HDLBP: variants seen among roughly 807,000 people sequenced by gnomAD.
HDLBP encodes the protein vigilin.
HDLBP carries 30 observed loss-of-function variants against 137.3 expected under a neutral mutation model. The ratio of observed to expected loss-of-function variants is 0.22; its 90% confidence interval spans 0.16 to 0.30. The LOEUF is 0.30. Among genes scored for constraint, HDLBP ranks in the 10% least tolerant of loss-of-function variants. HDLBP has a pLI of 1.00. For missense variants in HDLBP, 1,119 were observed against 1,667.3 expected, an observed-to-expected ratio of 0.67 and a Z score of 5.73; for synonymous variants, 606 against 596.0, an observed-to-expected ratio of 1.02 and a Z score of -0.24.
intron 1 of HDLBP, among the ~76,000 whole-genome samples, chr2:241,286,561 G>C (rs903840584): frequency 1.3e-5 from 2 of 152,088 alleles, no homozygotes; most frequent in African/African-American, 4.8e-5. Flanking sequence ...ACCAATGTTC[G>C]TCCTGTATAT....
chr2:241,230,258 G>T lies in HDLBP; in HGVS notation c.3486C>A (p.Arg1162=), dbSNP rs1194453697. ...GGTCTGGGGCTCCGCTCTGTGGGAAGCGAATGTCCACCTGGAAGGGGTGTA... is the reference window on the plus strand; with the variant it reads ...GGTCTGGGGCTCCGCTCTGTGGGAATCGAATGTCCACCTGGAAGGGGTGTA... ...KIMDEFKVDI[R]FPQSGAPDPN... is the part of the protein sequence containing the mutation. Residue 1162 remains arginine, a synonymous_variant, in exon 26 of 28, where the codon CGC becomes CGA. Coordinates refer to ENST00000310931, the MANE Select transcript of HDLBP (RefSeq NM_005336.6). The surrounding 1 kb of genome is among the most constrained non-coding windows in gnomAD (Gnocchi z 5.0). 6.3e-7 allele frequency: 1 copy of T among 1,588,534 alleles called. No homozygotes were observed. Among genetic ancestry groups the T allele is most frequent in the Non-Finnish European group, 8.6e-7 (1 of 1,161,246 alleles).
Position 241,227,546 on chromosome 2 carries a change from T to C in HDLBP, c.*2055A>G, listed in dbSNP as rs906352670. On this transcript the variant is annotated 3_prime_UTR_variant, in exon 28 of 28. Coordinates refer to ENST00000310931, the MANE Select transcript of HDLBP (RefSeq NM_005336.6). Reference sequence around the variant, plus strand: ...AGGGAGACAGGCCTGGGGACAGTCATGTCATCACCCTTGCAACAACCACCC... The same window carrying C: ...AGGGAGACAGGCCTGGGGACAGTCACGTCATCACCCTTGCAACAACCACCC... The C allele has an allele frequency of 6.6e-6, 1 of 152,580 alleles. No homozygotes were observed. Among genetic ancestry groups the C allele is most frequent in the African/African-American group, 2.4e-5 (1 of 41,440 alleles). 9.5% of individuals were successfully genotyped at this position (152,580 alleles called of 1,614,324 possible). A position where few individuals can be genotyped will look rare whatever the true frequency, so the allele number is the denominator to read the frequency against.
intron 1 of HDLBP, among the ~76,000 whole-genome samples, chr2:241,296,563 A>G (rs2075189324): frequency 1.3e-5 from 2 of 152,374 alleles, no homozygotes; most frequent in South Asian, 4.1e-4. Flanking sequence ...GAGTTTTTCA[A>G]TGTCTGGAAA....
chr2:241,257,520 T>C (rs747377412), intron 5 of HDLBP, among the ~76,000 whole-genome samples: 6 of 152,034 alleles, frequency 3.9e-5, no homozygotes, highest in Admixed American at 1.3e-4. Context: ...TGTGAGCCAC[T>C]GCGCCTGGCC....
chr2:241,308,520 G>A (rs781411624), intron 1 of HDLBP, among the ~76,000 whole-genome samples: 105 of 152,188 alleles, frequency 6.9e-4, no homozygotes, highest in Non-Finnish European at 3.7e-4. Flanking sequence ...CCAAAGTTCC[G>A]TTTCATTCAC....
chr2:241,229,784 G>GGGGGCCCCCCC, intron 27 of HDLBP, 49 bp downstream of exon 27: 1 of 1,502,550 alleles, frequency 6.7e-7, no homozygotes, highest in Non-Finnish European at 9.1e-7. Context: ...AAGCCCGCCT[G>GGGGGCCCCCCC]CCCGCCCACC....
intron 1 of HDLBP, among the ~76,000 whole-genome samples, chr2:241,307,605 T>C (rs554943013): frequency 6.6e-6 from 1 of 152,228 alleles, no homozygotes; most frequent in Non-Finnish European, 1.5e-5. Flanking sequence ...AACCCCCCCA[T>C]GAGGCTTTAC....
chr2:241,288,344 T>C (rs1204681544), intron 1 of HDLBP, among the ~76,000 whole-genome samples: 3 of 152,200 alleles, frequency 2.0e-5, no homozygotes, highest in African/African-American at 7.2e-5. Flanking sequence ...AAGAGCTGTC[T>C]TTACCATGTG....
intron 23 of HDLBP, among the ~76,000 whole-genome samples, chr2:241,234,804 T>C (rs2070209396): frequency 6.6e-6 from 1 of 152,214 alleles, no homozygotes; most frequent in Non-Finnish European, 1.5e-5. Context: ...GCATAGCACA[T>C]GCTTGGGGGC....
At chr2:241,245,264 A>T (rs578195413) in intron 16 of HDLBP, among the ~76,000 whole-genome samples, 172 of 151,538 alleles carry the variant, frequency 1.1e-3, no homozygotes, top group African/African-American at 4.0e-3. Flanking sequence ...GCTCACTGCA[A>T]CCTCCACCTC....
intron 20 of HDLBP, among the ~76,000 whole-genome samples, chr2:241,237,031 G>C (rs887393018): frequency 6.7e-6 from 1 of 148,298 alleles, no homozygotes; most frequent in Non-Finnish European, 1.5e-5. Context: ...CGTGAGCTCT[G>C]TGTCTCCCTT....
Position 241,239,504 on chromosome 2 carries a change from G to A in HDLBP, c.2610+98C>T. The A allele has an allele frequency of 1.0e-6, 1 of 959,920 alleles. No homozygotes were observed. The highest frequency in any genetic ancestry group is 1.6e-6 in the Non-Finnish European group (1 of 615,076). 59.5% of individuals were successfully genotyped at this position (959,920 alleles called of 1,614,324 possible). ...TGAAGCCTTCCAGGGCTGTATGAGG[G>A]AGTCACCTCCCTACAGGGTGGAGCG... is the stretch of plus-strand genomic sequence containing the variant. On this transcript the variant is annotated intron_variant, in intron 19 of 27. Transcript: ENST00000310931. This position sits in a 1 kb window ranked among gnomAD's most constrained non-coding sequence, Gnocchi z 4.6.
In HDLBP at chr2:241,239,775, G is replaced by A; in HGVS notation, c.2437C>T (p.Arg813Cys). The A allele has an allele frequency of 6.2e-7, 1 of 1,614,080 alleles. No homozygotes were observed. Among genetic ancestry groups the A allele is most frequent in the Non-Finnish European group, 8.5e-7 (1 of 1,180,036 alleles). ...TGGCCTCTGCGGATGACGAAGTGGC[G>A]GTGGTGCTTGGGGTCCACCAGCATG... ...DSMLVDPKHH[R>C]HFVIRRGQVL... Residue 813 changes from arginine to cysteine, a missense_variant, in exon 19 of 28, where the codon CGC (arginine) becomes TGC (cysteine). Coordinates refer to ENST00000310931, the MANE Select transcript of HDLBP (RefSeq NM_005336.6). This position sits in a 1 kb window ranked among gnomAD's most constrained non-coding sequence, Gnocchi z 4.6.
intron 1 of HDLBP, among the ~76,000 whole-genome samples, chr2:241,295,921 G>A (rs1052438517): frequency 1.3e-5 from 2 of 152,128 alleles, no homozygotes; most frequent in African/African-American, 4.8e-5. Flanking sequence ...CCAGATTTCA[G>A]ATTTCCAGTC....
At chr2:241,295,907 C>G (rs2075161393) in intron 1 of HDLBP, among the ~76,000 whole-genome samples, 1 of 152,040 alleles carries the variant, frequency 6.6e-6, no homozygotes. Context: ...GGAGTGTGGC[C>G]CTGCCAGATT....
At chr2:241,263,586 G>C (rs2073378664) in intron 4 of HDLBP, among the ~76,000 whole-genome samples, 1 of 152,128 alleles carries the variant, frequency 6.6e-6, no homozygotes, top group Non-Finnish European at 1.5e-5. Context: ...GCAGACAGGT[G>C]AAAATGGAAG....
intron 1 of HDLBP, among the ~76,000 whole-genome samples, chr2:241,277,890 G>C (rs948870020): frequency 3.9e-5 from 6 of 152,132 alleles, no homozygotes; most frequent in Admixed American, 1.3e-4. Context: ...GTACCTGGGA[G>C]GTGGAGGTTG....
intron 5 of HDLBP, among the ~76,000 whole-genome samples, chr2:241,258,501 G>A (rs574986670): frequency 6.6e-6 from 1 of 152,196 alleles, no homozygotes; most frequent in African/African-American, 2.4e-5. Flanking sequence ...TTCAGCTTAT[G>A]TGGCAGGCTG....
intron 1 of HDLBP, among the ~76,000 whole-genome samples, chr2:241,298,218 T>C (rs2075258399): frequency 6.6e-6 from 1 of 151,460 alleles, no homozygotes; most frequent in Non-Finnish European, 1.5e-5. Context: ...TACAGAAAAT[T>C]AGCTGGGCGT....
Sources: allele counts gnomAD v4.1 joint callset (sites outside exome capture counted in the v4.1 genomes callset), GRCh38; gene constraint gnomAD v4.1.1; non-coding constraint Gnocchi (gnomAD v3.1); transcripts MANE v1.5; gene names NCBI Gene and HGNC (gene_info 2026-07-23, HGNC 2026-07-21).